The following HS3ST4 variants were observed in gnomAD, a reference collection of about 807,000 sequenced individuals.
HS3ST4 encodes the protein heparan sulfate glucosamine 3-O-sulfotransferase 4.
A neutral mutation model predicts 29.2 loss-of-function variants in HS3ST4; 17 were observed. The observed-to-expected ratio is 0.58, with a 90% CI of 0.40 to 0.87. The LOEUF is 0.87. Among genes scored for constraint, HS3ST4 ranks in the 40% least tolerant of loss-of-function variants. HS3ST4 has a pLI of 0.00. For synonymous variants in HS3ST4, 314 were observed against 285.7 expected (o/e 1.10, Z -1.00); for missense variants, 627 against 634.5 (o/e 0.99, Z 0.13).
chr16:26,122,652 A>G (rs1332722551), intron 1 of HS3ST4, among the ~76,000 whole-genome samples: 2 of 152,174 alleles, frequency 1.3e-5, no homozygotes, highest in African/African-American at 4.8e-5. Flanking sequence ...TCGGTACTCT[A>G]TGACTGGGTT....
intron 1 of HS3ST4, among the ~76,000 whole-genome samples, chr16:25,944,877 C>T (rs1465076372): frequency 6.6e-6 from 1 of 152,192 alleles, no homozygotes; most frequent in Non-Finnish European, 1.5e-5. Context: ...CTGAGGGAAT[C>T]TCCCTTTTCA....
chr16:25,946,271 G>A (rs927604732), intron 1 of HS3ST4, among the ~76,000 whole-genome samples: 1 of 152,202 alleles, frequency 6.6e-6, no homozygotes, highest in African/African-American at 2.4e-5. Context: ...CCATCACATA[G>A]ATTGGCCATA....
intron 1 of HS3ST4, among the ~76,000 whole-genome samples, chr16:25,705,178 G>A (rs1966367092): frequency 6.6e-6 from 1 of 152,146 alleles, no homozygotes; most frequent in South Asian, 2.1e-4. Flanking sequence ...TAATAATCAG[G>A]CCATGACACG....
chr16:26,076,703 T>A (rs1316926056), intron 1 of HS3ST4, among the ~76,000 whole-genome samples: 1 of 152,192 alleles, frequency 6.6e-6, no homozygotes, highest in Non-Finnish European at 1.5e-5. Flanking sequence ...TATACCTCAA[T>A]TGATAGCAGC....
rs1358130537 is a variant in HS3ST4, at chr16:25,692,426, G to T, written c.9G>T (p.Arg3=). The change falls in exon 1 of 2, where the codon CGG becomes CGT. Residue 3 remains arginine (R), a synonymous_variant. Coordinates refer to ENST00000331351, the MANE Select transcript of HS3ST4 (RefSeq NM_006040.3). MA[R]WPAPPPPPPP... ...GCGAGCCGGGAGCCGCGATGGCCCG[G>T]TGGCCCGCACCTCCTCCGCCTCCGC... 9.3e-7 allele frequency: 1 copy of T among 1,070,312 alleles called. No individual in the cohort carries two copies. Among genetic ancestry groups the T allele is most frequent in the Admixed American group, 4.9e-5 (1 of 20,550 alleles). The allele number at this position is 1,070,312 out of a possible 1,614,324, so 66.3% of individuals were successfully genotyped here.
At chr16:26,120,405 T>C (rs1398244247) in intron 1 of HS3ST4, among the ~76,000 whole-genome samples, 2 of 152,216 alleles carry the variant, frequency 1.3e-5, no homozygotes, top group Non-Finnish European at 2.9e-5. Context: ...TGCAAGTGTC[T>C]GAAGGAAACA....
At chr16:26,028,003 G>T (rs1170511392) in intron 1 of HS3ST4, among the ~76,000 whole-genome samples, 1 of 152,018 alleles carries the variant, frequency 6.6e-6, no homozygotes, top group Non-Finnish European at 1.5e-5. Flanking sequence ...GCTGGGAGCG[G>T]GGCTCATGCC....
At chr16:25,730,758 C>T (rs1596555098) in intron 1 of HS3ST4, among the ~76,000 whole-genome samples, 1 of 150,308 alleles carries the variant, frequency 6.7e-6, no homozygotes, top group East Asian at 2.0e-4. Context: ...CCTCTTTTTC[C>T]TCTTTTCCTC....
chr16:25,696,362 A>G (rs978965812), intron 1 of HS3ST4, among the ~76,000 whole-genome samples: 2 of 152,254 alleles, frequency 1.3e-5, no homozygotes, highest in African/African-American at 4.8e-5. Flanking sequence ...CTGCCAATGC[A>G]GAACTCATCA....
chr16:25,780,407 T>G (rs1966851596), intron 1 of HS3ST4, among the ~76,000 whole-genome samples: 1 of 152,200 alleles, frequency 6.6e-6, no homozygotes, highest in South Asian at 2.1e-4. Flanking sequence ...ACTGTCTGTC[T>G]CTCTCTGCAT....
chr16:26,027,688 G>A (rs1200562625), intron 1 of HS3ST4, among the ~76,000 whole-genome samples: 1 of 152,192 alleles, frequency 6.6e-6, no homozygotes, highest in African/African-American at 2.4e-5. Flanking sequence ...CATTCATGAA[G>A]CACATTATAA....
chr16:25,709,438 A>G (rs190670672), intron 1 of HS3ST4, among the ~76,000 whole-genome samples: 396 of 152,236 alleles, frequency 2.6e-3, no homozygotes, highest in Non-Finnish European at 4.6e-3. Flanking sequence ...GTTATCAAAG[A>G]CAGGAAATGA....
chr16:26,032,128 C>T (rs1005897465), intron 1 of HS3ST4, among the ~76,000 whole-genome samples: 1 of 152,162 alleles, frequency 6.6e-6, no homozygotes. Context: ...GACTAGGGGT[C>T]AGGTCCCAAC....
chr16:25,997,749 A>T (rs899370193), intron 1 of HS3ST4, among the ~76,000 whole-genome samples: 2 of 152,166 alleles, frequency 1.3e-5, no homozygotes, highest in Non-Finnish European at 2.9e-5. Flanking sequence ...CTGTGATTGG[A>T]CCTTCCTGGA....
At chr16:25,748,162 C>T (rs2141600586) in intron 1 of HS3ST4, among the ~76,000 whole-genome samples, 1 of 152,138 alleles carries the variant, frequency 6.6e-6, no homozygotes, top group Middle Eastern at 3.4e-3. Flanking sequence ...TGAGCTCTCC[C>T]CAGAGCTGCT....
intron 1 of HS3ST4, among the ~76,000 whole-genome samples, chr16:25,953,359 G>C (rs1184823429): frequency 1.3e-5 from 2 of 152,188 alleles, no homozygotes; most frequent in Non-Finnish European, 2.9e-5. Flanking sequence ...ACAGTGACAA[G>C]CTGGCTTATT....
intron 1 of HS3ST4, among the ~76,000 whole-genome samples, chr16:25,805,774 C>T (rs1966984200): frequency 6.6e-6 from 1 of 152,068 alleles, no homozygotes; most frequent in Non-Finnish European, 1.5e-5. Context: ...TAAACGTGTG[C>T]CATGGTGGTT....
chr16:26,006,508 C>G (rs887652299), intron 1 of HS3ST4, among the ~76,000 whole-genome samples: 3 of 151,862 alleles, frequency 2.0e-5, no homozygotes, highest in African/African-American at 7.3e-5. Flanking sequence ...TCATGCAGAG[C>G]CAGCTGAATG....
intron 1 of HS3ST4, among the ~76,000 whole-genome samples, chr16:25,711,472 C>G (rs1357950793): frequency 6.6e-6 from 1 of 152,168 alleles, no homozygotes; most frequent in East Asian, 1.9e-4. Context: ...GCTGCTGACC[C>G]TGCTGCTGCC....
Sources: gnomAD v4.1 joint callset for allele counts (sites outside exome capture counted in the v4.1 genomes callset) on GRCh38, gnomAD v4.1.1 for gene constraint, MANE v1.5 for transcripts, NCBI Gene and HGNC (gene_info 2026-07-23, HGNC 2026-07-21) for gene names.